The following HDLBP variants were observed in gnomAD, a reference collection of about 807,000 sequenced individuals.
HDLBP encodes the protein vigilin.
In HDLBP, 30 loss-of-function variants were observed where a neutral mutation model predicts 137.3. The observed-to-expected ratio is 0.22, with a 90% CI of 0.16 to 0.30. HDLBP has a LOEUF of 0.30. HDLBP is among the 10% of genes least tolerant of loss of function. HDLBP has a pLI of 1.00. For missense variants in HDLBP, 1,119 were observed against 1,667.3 expected (o/e 0.67, Z 5.73); for synonymous variants, 606 against 596.0 (o/e 1.02, Z -0.24).
chr2:241,270,906 C>T, intron 1 of HDLBP: 1 of 882,666 alleles, frequency 1.1e-6, no homozygotes, highest in Non-Finnish European at 1.4e-6. Flanking sequence ...CTCACTGGAT[C>T]TAACAGTACT....
At chr2:241,246,425 C>A (rs918664546) in intron 16 of HDLBP, 1 of 272,496 alleles carries the variant, frequency 3.7e-6, no homozygotes, top group African/African-American at 2.2e-5. Context: ...TAAATATGTA[C>A]AATTTACTGC....
intron 7 of HDLBP, 58 bp from the exon 8 acceptor site, chr2:241,255,638 G>T: frequency 7.3e-7 from 1 of 1,370,980 alleles, no homozygotes; most frequent in Non-Finnish European, 1.0e-6. Context: ...GCGGGCAGGT[G>T]GGCATGGCCA....
rs1009876583 is a variant in HDLBP at position 241,239,966 on chromosome 2, T to C, written c.2326A>G (p.Ile776Val). ...AEDKDQDLIT[I>V]IGKEDAVREA... ...CGGACGGCGTCCTCCTTTCCAATGATGGTGATCAGGTCCTGGTCCTTGTCC... is the reference window on the plus strand; with the variant it reads ...CGGACGGCGTCCTCCTTTCCAATGACGGTGATCAGGTCCTGGTCCTTGTCC... Residue 776 changes from isoleucine to valine, a missense_variant, in exon 18 of 28, where the codon ATC (isoleucine) becomes GTC (valine). Physicochemically the swap from Ile to Val is conservative, Grantham distance 29. Transcript: ENST00000310931. The surrounding 1 kb of genome is among the most constrained non-coding windows in gnomAD (Gnocchi z 4.6). The C allele has an allele frequency of 1.2e-6, 2 of 1,614,228 alleles. No individual in the cohort carries two copies. The highest frequency in any genetic ancestry group is 1.7e-6 in the Non-Finnish European group (2 of 1,180,040).
Position 241,272,535 on chromosome 2 carries a change from AGACTCGGAGCC to A in HDLBP, c.-102-4005_-102-3995del. 8 of 984,358 alleles carry A rather than the reference AGACTCGGAGCC, an allele frequency of 8.1e-6. No individual in the cohort carries two copies. Among genetic ancestry groups the A allele is most frequent in the Non-Finnish European group, 9.6e-6 (8 of 829,620 alleles). The allele number at this position is 984,358 out of a possible 1,614,324, so 61.0% of individuals were successfully genotyped here. The stretch of plus-strand genomic sequence containing the variant: ...TCCGCGCCACGGCCACGCGCAGAAG[AGACTCGGAGCC>A]GGCCCCAGGTCTGGCCCGGAACCGC... On this transcript the variant is annotated intron_variant, in intron 1 of 27. Transcript: ENST00000310931. This position sits in a 1 kb window ranked among gnomAD's most constrained non-coding sequence, Gnocchi z 5.6.
Position 241,256,369 on chromosome 2 carries a change from C to G in HDLBP, c.688G>C (p.Glu230Gln). ...GCGATGAAGGGGTGGAATGCCTTTT[C>G]TACTTCTAGCCTCTCCACAGCACGT... is the stretch of plus-strand genomic sequence containing the variant. ...DKRAVERLEV[E>Q]KAFHPFIAGP... is the part of the protein sequence containing the mutation. The change falls in exon 7 of 28, where the codon GAA becomes CAA. Residue 230 changes from glutamate (E) to glutamine (Q), a missense_variant. Glu to Gln is a conservative substitution (Grantham distance 29). This residue lies in a region of HDLBP where 425 missense variants were observed against 693.9 expected (regional missense o/e 0.61). Coordinates refer to ENST00000310931, the MANE Select transcript of HDLBP (RefSeq NM_005336.6). 1 of 1,612,772 alleles carries G rather than the reference C, an allele frequency of 6.2e-7. No homozygotes were observed. Among genetic ancestry groups the G allele is most frequent in the Non-Finnish European group, 8.5e-7 (1 of 1,179,156 alleles).
rs1374059225 is a variant in HDLBP at position 241,242,503 on chromosome 2, A to G, written c.2126T>C (p.Val709Ala). 6.2e-7 allele frequency: 1 copy of G among 1,614,000 alleles called. No homozygotes were observed. The highest frequency in any genetic ancestry group is 8.5e-7 in the Non-Finnish European group (1 of 1,180,022). Residue 709 changes from valine (V) to alanine (A), a missense_variant, in exon 17 of 28, where the codon GTG becomes GCG. By Grantham distance (64) the Val-to-Ala change is moderately conservative. Around this residue, in one of 4 missense-constraint regions of HDLBP, gnomAD observed 618 missense variants for 816.7 expected, o/e 0.76. Coordinates refer to ENST00000310931, the MANE Select transcript of HDLBP (RefSeq NM_005336.6). Reference protein sequence around the residue: ...TVVIRGPSSDVEKAKKQLLHL... With the variant: ...TVVIRGPSSDAEKAKKQLLHL... ...CAGGAGCTGCTTCTTGGCCTTCTCC[A>G]CATCCGAGGAAGGGCCCCTGATAAC... is the stretch of plus-strand genomic sequence containing the variant.
chr2:241,237,708 A>G (rs2070719791), intron 20 of HDLBP, among the ~76,000 whole-genome samples: 1 of 144,260 alleles, frequency 6.9e-6, no homozygotes, highest in African/African-American at 2.5e-5. Flanking sequence ...CATGTCTAAA[A>G]ATGACATTCA....
chr2:241,304,255 A>C (rs2075495640), intron 1 of HDLBP, among the ~76,000 whole-genome samples: 1 of 152,264 alleles, frequency 6.6e-6, no homozygotes, highest in African/African-American at 2.4e-5. Context: ...AAGTAAAAGC[A>C]TCACCAATAC....
At position 241,240,249 on chromosome 2, in the gene HDLBP, C is replaced by T; in HGVS notation, c.2170-127G>A. 1.2e-6 allele frequency: 1 copy of T among 861,752 alleles called. No individual in the cohort carries two copies. The highest frequency in any genetic ancestry group is 1.9e-6 in the Non-Finnish European group (1 of 514,222). 53.4% of individuals were successfully genotyped at this position (861,752 alleles called of 1,614,324 possible). A position where few individuals can be genotyped will look rare whatever the true frequency, so the allele number is the denominator to read the frequency against. ...CATTGTCACCAGTGTCCTGATGTTGCACCAATACCCCCAAAATGGGGCTAG... is the reference window on the plus strand; with the variant it reads ...CATTGTCACCAGTGTCCTGATGTTGTACCAATACCCCCAAAATGGGGCTAG... On this transcript the variant is annotated intron_variant, in intron 17 of 27. Transcript: ENST00000310931. The surrounding 1 kb of genome is among the most constrained non-coding windows in gnomAD (Gnocchi z 5.5).
chr2:241,269,488 G>T (rs1309824223), intron 1 of HDLBP: 1 of 152,098 alleles, frequency 6.6e-6, no homozygotes, highest in Non-Finnish European at 1.5e-5. Context: ...TGGACTGGTG[G>T]TATTTCTGGA....
At position 241,286,929 on chromosome 2, in the gene HDLBP, C is replaced by G. The variant is rs376640230; in HGVS notation, c.-102-18388G>C. Among the ~76,000 whole-genome samples, 35 of 142,142 alleles carry G rather than the reference C, an allele frequency of 2.5e-4. No individual in the cohort carries two copies. The South Asian group carries it at 7.5e-3, about 30-fold the overall frequency. The allele number at this position is 142,142 out of a possible 152,430, so 93.3% of individuals were successfully genotyped here. A position where few individuals can be genotyped will look rare whatever the true frequency, so the allele number is the denominator to read the frequency against. On this transcript the variant is annotated intron_variant, in intron 1 of 27. Coordinates refer to ENST00000310931, the MANE Select transcript of HDLBP (RefSeq NM_005336.6). The stretch of plus-strand genomic sequence containing the variant: ...CCACTGCACTCCAGCCTGGACAACA[C>G]AGCAAGACCCTGTTTCCAAAAAAAA...
chr2:241,285,175 C>T (rs1347879765), intron 1 of HDLBP, among the ~76,000 whole-genome samples: 1 of 152,258 alleles, frequency 6.6e-6, no homozygotes, highest in Non-Finnish European at 1.5e-5. Context: ...CCACTGCGCC[C>T]AGCCTTAACC....
chr2:241,236,965 G>A (rs938004623), intron 20 of HDLBP, among the ~76,000 whole-genome samples, 196 bp from the exon 21 acceptor site: 4 of 135,114 alleles, frequency 3.0e-5, no homozygotes, highest in Non-Finnish European at 6.3e-5. Context: ...CTCAAAGAGG[G>A]CTCCCAGACC....
intron 1 of HDLBP, among the ~76,000 whole-genome samples, chr2:241,311,112 T>C (rs1018656101): frequency 2.0e-5 from 3 of 149,910 alleles, no homozygotes; most frequent in Non-Finnish European, 3.0e-5. Context: ...AGACGCTGTG[T>C]CTCAAAAAAA....
chr2:241,284,580 G>C (rs966374283), intron 1 of HDLBP, among the ~76,000 whole-genome samples: 7 of 152,218 alleles, frequency 4.6e-5, no homozygotes, highest in Non-Finnish European at 7.3e-5. Flanking sequence ...CATAAACTTA[G>C]CTGATAAAGC....
In HDLBP at chr2:241,230,956, G is replaced by A; in HGVS notation, c.3289-12C>T. Reference sequence around the variant, plus strand: ...ATTTGGTCCTGGGGCTAAAAAAGGAGAATGTAGTCAGAAAAGGGGATGCCT... The same window carrying A: ...ATTTGGTCCTGGGGCTAAAAAAGGAAAATGTAGTCAGAAAAGGGGATGCCT... On this transcript the variant is annotated splice_polypyrimidine_tract_variant and intron_variant, in intron 24 of 27. Transcript: ENST00000310931. The surrounding 1 kb of genome is among the most constrained non-coding windows in gnomAD (Gnocchi z 5.0). 1 of 1,609,798 alleles carries A rather than the reference G, an allele frequency of 6.2e-7. No individual in the cohort carries two copies. The highest frequency in any genetic ancestry group is 8.5e-7 in the Non-Finnish European group (1 of 1,176,210).
intron 5 of HDLBP, among the ~76,000 whole-genome samples, chr2:241,257,758 G>A (rs4675971): frequency 0.21 from 31,497 of 152,054 alleles, 3,822 homozygotes; most frequent in East Asian, 0.4. Context: ...CAACAAAAAT[G>A]AACAAGAAAA....
At chr2:241,306,639 T>C (rs1249952796) in intron 1 of HDLBP, among the ~76,000 whole-genome samples, 1 of 152,066 alleles carries the variant, frequency 6.6e-6, no homozygotes, top group Non-Finnish European at 1.5e-5. Flanking sequence ...GAGCAGTGGC[T>C]CATGCCTATT....
intron 1 of HDLBP, among the ~76,000 whole-genome samples, chr2:241,304,395 G>A (rs968974609): frequency 1.5e-4 from 23 of 152,220 alleles, no homozygotes; most frequent in African/African-American, 5.5e-4. Flanking sequence ...ATCAGCCTTA[G>A]AGCTGGATCC....
Sources: allele counts gnomAD v4.1 joint callset (sites outside exome capture counted in the v4.1 genomes callset), GRCh38; gene constraint gnomAD v4.1.1; regional missense constraint gnomAD v4.1.1; non-coding constraint Gnocchi (gnomAD v3.1); transcripts MANE v1.5; gene names NCBI Gene and HGNC (gene_info 2026-07-23, HGNC 2026-07-21).